Variants in HYDIN observed in about 807,000 individuals in gnomAD.
HYDIN encodes axonemal central pair apparatus protein HYDIN.
A neutral mutation model predicts 403.9 loss-of-function variants in HYDIN; 132 were observed. That is an observed-to-expected ratio of 0.33 (90% confidence interval 0.28 to 0.38). The LOEUF (loss-of-function observed/expected upper bound fraction) is 0.38. HYDIN is among the 10% of genes least tolerant of loss of function. The pLI is 1.00. For missense variants in HYDIN, 2,827 were observed against 5,009.5 expected, an observed-to-expected ratio of 0.56 and a Z score of 13.15; for synonymous variants, 1,202 against 1,891.7, an observed-to-expected ratio of 0.64 and a Z score of 9.46.
chr16:71,225,275 T>C (rs1042370641), intron 1 of HYDIN, among the ~76,000 whole-genome samples: 19 of 152,188 alleles, frequency 1.2e-4, no homozygotes, highest in Admixed American at 1.0e-3. Flanking sequence ...AACCTGGGCC[T>C]GGAACATTCC....
chr16:71,201,733 C>A (rs1383787523), intron 1 of HYDIN, among the ~76,000 whole-genome samples: 1 of 152,228 alleles, frequency 6.6e-6, no homozygotes, highest in African/African-American at 2.4e-5. Flanking sequence ...GACAGCAGTG[C>A]CAACAGACTG....
At chr16:70,879,231 A>C in intron 62 of HYDIN, 66 bp downstream of exon 62, 3 of 1,293,378 alleles carry the variant, frequency 2.3e-6, no homozygotes, top group Non-Finnish European at 2.1e-6. Context: ...CAGAGGCCCC[A>C]GTGGCAGAAG....
intron 83 of HYDIN, among the ~76,000 whole-genome samples, chr16:70,819,570 C>T (rs769228674): frequency 4.7e-4 from 68 of 145,398 alleles, no homozygotes; most frequent in Non-Finnish European, 9.6e-4. Context: ...ACCCCTGCAA[C>T]GGACTTCTTG....
chr16:70,813,966 T>C (rs1050579480), intron 84 of HYDIN, among the ~76,000 whole-genome samples: 2 of 151,996 alleles, frequency 1.3e-5, no homozygotes, highest in Admixed American at 6.6e-5. Context: ...AACAGACCCA[T>C]GCATAGATGA....
chr16:71,012,245 G>T (rs1347233342), intron 23 of HYDIN, among the ~76,000 whole-genome samples: 1 of 152,268 alleles, frequency 6.6e-6, no homozygotes, highest in Admixed American at 6.5e-5. Flanking sequence ...CTAATAAAAG[G>T]GTGGCTCCTG....
intron 42 of HYDIN, 74 bp downstream of exon 42, chr16:70,943,737 GA>G: frequency 6.5e-7 from 1 of 1,541,286 alleles, no homozygotes; most frequent in South Asian, 1.2e-5. Context: ...TGATGGCCCA[GA>G]ACCTCTGTCC....
rs770831302 is a variant in HYDIN, at chr16:70,833,916, G to A, written c.13650C>T (p.Leu4550=). The A allele has an allele frequency of 1.2e-6, 2 of 1,613,606 alleles. No homozygotes were observed. Among genetic ancestry groups the A allele is most frequent in the Non-Finnish European group, 8.5e-7 (1 of 1,179,840 alleles). ...VYQTQATRRI[L]MMNTGDVGAR... ...CACCCACATCGCCTGTGTTCATCAT[G>A]AGGATGCGACGTGTGGCTTGCGTCT... Residue 4550 remains leucine, a synonymous_variant, in exon 79 of 86, where the codon CTC becomes CTT. Transcript: ENST00000393567.
Position 70,807,581 on chromosome 16 carries a change from T to C in HYDIN, c.15365A>G (p.Ter5122TrpextTer2). The change falls in exon 86 of 86, where the codon TAG (stop) becomes TGG (tryptophan). Residue 5122 changes from the stop codon to tryptophan (W), a stop_lost. Coordinates refer to ENST00000393567, the MANE Select transcript of HYDIN (RefSeq NM_001270974.2). ...TGATACAGGTAACCCTGGTTACCAC[T>C]AAAGGGTGATCCCCTTCAGATAATA... ...WVYYLKGITL* is the reference protein window; with the variant it reads ...WVYYLKGITLW 6.2e-7 allele frequency: 1 copy of C among 1,607,508 alleles called. No homozygotes were observed. Among genetic ancestry groups the C allele is most frequent in the Non-Finnish European group, 8.5e-7 (1 of 1,176,414 alleles).
intron 2 of HYDIN, among the ~76,000 whole-genome samples, chr16:71,186,521 G>A (rs1455423568): frequency 6.6e-6 from 1 of 152,080 alleles, no homozygotes; most frequent in Non-Finnish European, 1.5e-5. Context: ...CATTTGTAAA[G>A]TCTCACTTCA....
At chr16:71,180,579 G>A (rs996539024) in intron 3 of HYDIN, among the ~76,000 whole-genome samples, 4 of 151,068 alleles carry the variant, frequency 2.6e-5, no homozygotes, top group Non-Finnish European at 4.4e-5. Flanking sequence ...AAAACTATAG[G>A]CCAGTCTCAT....
At chr16:70,830,891 G>A (rs865786046) in intron 80 of HYDIN, among the ~76,000 whole-genome samples, 1 of 152,036 alleles carries the variant, frequency 6.6e-6, no homozygotes, top group African/African-American at 2.4e-5. Context: ...TTACAAATCT[G>A]GGGTTCAAGG....
At chr16:70,896,159 G>A in intron 53 of HYDIN, 79 bp from the exon 54 acceptor site, 5 of 1,561,170 alleles carry the variant, frequency 3.2e-6, no homozygotes, top group Non-Finnish European at 4.3e-6. Context: ...TATCCTAACG[G>A]GGATACGGCA....
intron 5 of HYDIN, among the ~76,000 whole-genome samples, chr16:71,174,988 T>C (rs559583062): frequency 6.6e-6 from 1 of 152,160 alleles, no homozygotes; most frequent in African/African-American, 2.4e-5. Flanking sequence ...GAAGCCAAAA[T>C]CTTTATCCTT....
chr16:70,978,226 C>T (rs1339750812), intron 30 of HYDIN, among the ~76,000 whole-genome samples: 2 of 151,730 alleles, frequency 1.3e-5, no homozygotes, highest in Non-Finnish European at 2.9e-5. Flanking sequence ...GTCCCCTCCA[C>T]CCCATGCCCA....
At chr16:70,882,977 T>G in intron 59 of HYDIN, 82 bp from the exon 60 acceptor site, 1 of 1,132,062 alleles carries the variant, frequency 8.8e-7, no homozygotes, top group Non-Finnish European at 1.3e-6. Flanking sequence ...AACTCTGGAT[T>G]CTCACAAAGG....
chr16:70,921,549 T>G (rs2076995582), intron 45 of HYDIN, among the ~76,000 whole-genome samples: 1 of 152,212 alleles, frequency 6.6e-6, no homozygotes, highest in Non-Finnish European at 1.5e-5. Context: ...GCAAGCCATA[T>G]GCACCTGCCT....
chr16:70,905,382 G>A (rs552189130), intron 50 of HYDIN, among the ~76,000 whole-genome samples: 6 of 152,212 alleles, frequency 3.9e-5, no homozygotes, highest in South Asian at 2.1e-4. Flanking sequence ...AGTGGCTCAC[G>A]CCTGTAATCC....
rs769515195 is a variant in HYDIN, at chr16:71,178,916, G to A, written c.381+12C>T. ...CCTGGAACAGTTCACCCACCCCAGT[G>A]AACATACTCACTTTGTCATTGTTCC... On this transcript the variant is annotated intron_variant, in intron 4 of 85. Transcript: ENST00000393567. 3 of 1,607,782 alleles carry A rather than the reference G, an allele frequency of 1.9e-6. No homozygotes were observed. The highest frequency in any genetic ancestry group is 2.5e-6 in the Non-Finnish European group (3 of 1,177,036).
intron 12 of HYDIN, chr16:71,081,008 C>A (rs1436890233): frequency 2.6e-5 from 4 of 151,786 alleles, no homozygotes; most frequent in African/African-American, 7.3e-5. Context: ...CCCTCTAGAG[C>A]CTTCAGAAGG....
Sources: allele counts gnomAD v4.1 joint callset (sites outside exome capture counted in the v4.1 genomes callset), GRCh38; gene constraint gnomAD v4.1.1; transcripts MANE v1.5; gene names NCBI Gene and HGNC (gene_info 2026-07-23, HGNC 2026-07-21).